ANKH: variants seen among roughly 807,000 people sequenced by gnomAD.
ANKH encodes the protein mineralization regulator ANKH.
In ANKH, 15 loss-of-function variants were observed where a neutral mutation model predicts 49.0. The observed-to-expected ratio is 0.31, with a 90% CI of 0.20 to 0.47. The LOEUF (loss-of-function observed/expected upper bound fraction) is 0.47, where lower values mean the gene tolerates loss of function less well. Ranked by LOEUF, ANKH falls within the 20% of genes least tolerant of loss-of-function variation. The probability of loss-of-function intolerance (pLI) is 1.00; values close to 1 mark genes in which losing one functional copy is unlikely to be tolerated. For synonymous variants in ANKH, 273 were observed against 260.0 expected, an observed-to-expected ratio of 1.05 and a Z score of -0.48; for missense variants, 429 against 652.0, an observed-to-expected ratio of 0.66 and a Z score of 3.72.
At chr5:14,854,929 T>C (rs551809691) in intron 1 of ANKH, among the ~76,000 whole-genome samples, 1 of 152,206 alleles carries the variant, frequency 6.6e-6, no homozygotes, top group African/African-American at 2.4e-5. Context: ...TGAAACCAAA[T>C]TATCTTTCAA....
intron 1 of ANKH, among the ~76,000 whole-genome samples, chr5:14,821,341 G>A (rs746305880): frequency 3.3e-5 from 5 of 152,146 alleles, no homozygotes; most frequent in African/African-American, 4.8e-5. Context: ...GACAACAACC[G>A]TTTAAATTGG....
In ANKH at chr5:14,737,260, G is replaced by A. The variant is rs750173649; in HGVS notation, c.1011+4567C>T. On this transcript the variant is annotated intron_variant, in intron 8 of 11. Transcript: ENST00000284268. This position sits in a 1 kb window ranked among gnomAD's most constrained non-coding sequence, Gnocchi z 5.0. ...ACCAAAAGGACTGTTGGAAGATACA[G>A]CCCATGCCGGTGAGTGGTTTCTATC... Among the ~76,000 whole-genome samples the A allele has an allele frequency of 6.6e-6, 1 of 152,176 alleles. No individual in the cohort carries two copies. Among genetic ancestry groups the A allele is most frequent in the Non-Finnish European group, 1.5e-5 (1 of 68,038 alleles).
At chr5:14,778,268 T>C (rs890302828) in intron 1 of ANKH, among the ~76,000 whole-genome samples, 2 of 152,182 alleles carry the variant, frequency 1.3e-5, no homozygotes, top group Non-Finnish European at 2.9e-5. Flanking sequence ...TTTTTGAGAT[T>C]CACACGCCTA....
rs1356486125 is a variant in ANKH, at chr5:14,713,030, G to A, written c.1266-57C>T. ...GTTAAGGCCAAGTCAAGGCACAACC[G>A]TCGATGCCAAAACCCAGGAAAGTAA... On this transcript the variant is annotated intron_variant, in intron 10 of 11. Coordinates refer to ENST00000284268, the MANE Select transcript of ANKH (RefSeq NM_054027.6). This position sits in a 1 kb window ranked among gnomAD's most constrained non-coding sequence, Gnocchi z 4.4. 36 of 1,516,150 alleles carry A rather than the reference G, an allele frequency of 2.4e-5. No individual in the cohort carries two copies. The highest frequency in any genetic ancestry group is 3.5e-5 in the South Asian group (3 of 84,984). 93.9% of individuals were successfully genotyped at this position (1,516,150 alleles called of 1,614,324 possible).
intron 1 of ANKH, chr5:14,798,220 A>C: frequency 1.3e-6 from 2 of 1,597,814 alleles, no homozygotes; most frequent in Middle Eastern, 1.7e-4. Context: ...TGAAGGCTGA[A>C]ATCTTTCCCT....
intron 1 of ANKH, among the ~76,000 whole-genome samples, chr5:14,861,787 C>T (rs934327411): frequency 3.9e-5 from 6 of 152,220 alleles, no homozygotes; most frequent in African/African-American, 7.2e-5. Context: ...CATCCTCCCC[C>T]GAACTAGGGA....
chr5:14,715,065 G>A (rs1158241163), intron 9 of ANKH, among the ~76,000 whole-genome samples: 1 of 152,218 alleles, frequency 6.6e-6, no homozygotes, highest in African/African-American at 2.4e-5. Flanking sequence ...AGAAAGTGAC[G>A]CCGCAAGGCC....
chr5:14,756,096 A>C (rs1738876081), intron 3 of ANKH, 152 bp from the exon 4 acceptor site: 1 of 722,502 alleles, frequency 1.4e-6, no homozygotes, highest in Non-Finnish European at 2.4e-6. Flanking sequence ...TGGTAAAATT[A>C]CTGTAACTTG....
intron 1 of ANKH, among the ~76,000 whole-genome samples, chr5:14,848,965 G>A (rs1742047553): frequency 6.6e-6 from 1 of 152,146 alleles, no homozygotes; most frequent in South Asian, 2.1e-4. Context: ...TAGCCTAATT[G>A]GTATTTTAGT....
chr5:14,816,060 G>A (rs979716983), intron 1 of ANKH, among the ~76,000 whole-genome samples: 1 of 152,200 alleles, frequency 6.6e-6, no homozygotes, highest in Admixed American at 6.5e-5. Context: ...AAGCACTGGG[G>A]ATAAGCTGAA....
chr5:14,741,009 T>C (rs1738336108), intron 8 of ANKH, among the ~76,000 whole-genome samples: 1 of 152,220 alleles, frequency 6.6e-6, no homozygotes, highest in Non-Finnish European at 1.5e-5. Context: ...AAGACTCTTA[T>C]TTCTTCTTAT....
chr5:14,713,290 C>CGT lies in ANKH; in HGVS notation c.1265+252_1265+253dup, dbSNP rs1561018394. Among the ~76,000 whole-genome samples, 1 of 152,144 alleles carries CGT rather than the reference C, an allele frequency of 6.6e-6. No homozygotes were observed. The highest frequency in any genetic ancestry group is 1.9e-4 in the East Asian group (1 of 5,180). On this transcript the variant is annotated intron_variant, in intron 10 of 11. Coordinates refer to ENST00000284268, the MANE Select transcript of ANKH (RefSeq NM_054027.6). The surrounding 1 kb of genome is among the most constrained non-coding windows in gnomAD (Gnocchi z 4.4). ...TTCATGTCCAGCATACGTTCAAGCC[C>CGT]GTGCAGGGCCGGCCATGCCCTGACA...
At chr5:14,783,490 T>G (rs901135051) in intron 1 of ANKH, among the ~76,000 whole-genome samples, 17 of 152,222 alleles carry the variant, frequency 1.1e-4, no homozygotes, top group Non-Finnish European at 2.2e-4. Context: ...TGATGCACAG[T>G]ATTCTATTGA....
At chr5:14,850,322 G>T (rs551085585) in intron 1 of ANKH, among the ~76,000 whole-genome samples, 1 of 152,320 alleles carries the variant, frequency 6.6e-6, no homozygotes, top group African/African-American at 2.4e-5. Context: ...GTGTACCAAG[G>T]TATTGTGTCT....
At chr5:14,749,003 C>T (rs1738627492) in intron 6 of ANKH, among the ~76,000 whole-genome samples, 169 bp downstream of exon 6, 1 of 152,240 alleles carries the variant, frequency 6.6e-6, no homozygotes, top group Admixed American at 6.5e-5. Context: ...TATACAATTA[C>T]ATGACTATAA....
chr5:14,737,386 C>T lies in ANKH; in HGVS notation c.1011+4441G>A, dbSNP rs991994311. 6.6e-5 allele frequency among the ~76,000 whole-genome samples: 10 copies of T among 152,220 alleles called. No individual in the cohort carries two copies. Among genetic ancestry groups the T allele is most frequent in the South Asian group, 2.1e-4 (1 of 4,830 alleles). On this transcript the variant is annotated intron_variant, in intron 8 of 11. Coordinates refer to ENST00000284268, the MANE Select transcript of ANKH (RefSeq NM_054027.6). This position sits in a 1 kb window ranked among gnomAD's most constrained non-coding sequence, Gnocchi z 5.0. ...TTCAGCACTGCAGCTGCCTTCCCCA[C>T]GTAAGAGGAAGGACTGTGGTGCCTG...
intron 1 of ANKH, among the ~76,000 whole-genome samples, chr5:14,774,507 G>C (rs1197130598): frequency 6.6e-6 from 1 of 151,806 alleles, no homozygotes; most frequent in African/African-American, 2.4e-5. Flanking sequence ...GCATGATCTC[G>C]GCTCACTGCA....
chr5:14,838,904 A>G (rs2126607248), intron 1 of ANKH, among the ~76,000 whole-genome samples: 1 of 152,306 alleles, frequency 6.6e-6, no homozygotes, highest in Non-Finnish European at 1.5e-5. Flanking sequence ...TTGGCCAAGG[A>G]ACCGACTCGC....
chr5:14,730,161 G>A (rs1039069207), intron 8 of ANKH, among the ~76,000 whole-genome samples: 10 of 152,030 alleles, frequency 6.6e-5, no homozygotes, highest in African/African-American at 2.4e-4. Flanking sequence ...TGACCAGGCC[G>A]CTAAGCCCCT....
Sources: gnomAD v4.1 joint callset for allele counts (sites outside exome capture counted in the v4.1 genomes callset) on GRCh38, gnomAD v4.1.1 for gene constraint, Gnocchi (gnomAD v3.1) non-coding constraint, MANE v1.5 for transcripts, NCBI Gene and HGNC (gene_info 2026-07-23, HGNC 2026-07-21) for gene names.